Variants in GIGYF2 observed in about 807,000 individuals in gnomAD.
GIGYF2 encodes the protein GRB10-interacting GYF protein 2.
In GIGYF2, 25 loss-of-function variants were observed where a neutral mutation model predicts 208.1. That is an observed-to-expected ratio of 0.12 (90% CI 0.09 to 0.17). The LOEUF (loss-of-function observed/expected upper bound fraction) is 0.17. Among genes scored for constraint, GIGYF2 ranks in the 10% least tolerant of loss-of-function variants. GIGYF2 has a pLI of 1.00. For missense variants in GIGYF2, 1,302 were observed against 1,579.4 expected (o/e 0.82, Z 2.98); for synonymous variants, 534 against 543.8 (o/e 0.98, Z 0.25).
chr2:232,733,255 C>T (rs13429857), intron 2 of GIGYF2, among the ~76,000 whole-genome samples: 23,854 of 131,172 alleles, frequency 0.18, 2,438 homozygotes, highest in Middle Eastern at 0.23. Flanking sequence ...AGACTCTTGT[C>T]TCAAAAAAAA....
intron 2 of GIGYF2, among the ~76,000 whole-genome samples, chr2:232,733,812 G>A (rs1019167113): frequency 3.3e-5 from 5 of 152,108 alleles, no homozygotes; most frequent in African/African-American, 1.2e-4. Context: ...GTAAATAGTT[G>A]TTCTGCTGTA....
At chr2:232,723,462 G>A (rs35285732) in intron 2 of GIGYF2, among the ~76,000 whole-genome samples, 45,298 of 138,758 alleles carry the variant, frequency 0.33, 7,449 homozygotes, top group South Asian at 0.62. Flanking sequence ...ACAGAGTCTC[G>A]CTCTGTCACC....
rs144275129 is a variant in GIGYF2 at position 232,698,522 on chromosome 2, A to G, written c.-110+1130A>G. 3.5e-4 allele frequency among the ~76,000 whole-genome samples: 53 copies of G among 152,212 alleles called. No individual in the cohort carries two copies. In the East Asian group the frequency reaches 5.2e-3, roughly 15 times the overall value. On this transcript the variant is annotated intron_variant, in intron 1 of 28. Coordinates refer to ENST00000373563, the MANE Select transcript of GIGYF2 (RefSeq NM_001103146.3). Reference sequence around the variant, plus strand: ...ATTCTGTCATTCTTTCTGTACATTAATTTTGCTCCTTCTAATATTTGTAGC... The same window carrying G: ...ATTCTGTCATTCTTTCTGTACATTAGTTTTGCTCCTTCTAATATTTGTAGC...
intron 28 of GIGYF2, among the ~76,000 whole-genome samples, chr2:232,851,936 T>C (rs1399127237): frequency 2.6e-5 from 4 of 152,056 alleles, no homozygotes; most frequent in Admixed American, 2.6e-4. Context: ...ATTTCAGAAA[T>C]GTAGGGGATA....
chr2:232,847,516 CACAGCA>C lies in GIGYF2; in HGVS notation c.3630_3635del (p.Gln1215_Gln1216del), dbSNP rs58340018. 1.2e-4 allele frequency: 187 copies of C among 1,524,972 alleles called. 2 individuals are homozygous for C. The East Asian group carries it at 3.6e-3, about 29-fold the overall frequency. The allele number at this position is 1,524,972 out of a possible 1,614,324, so 94.5% of individuals were successfully genotyped here. The stretch of plus-strand genomic sequence containing the variant: ...CAGCAGCGTCAGCAGCAGCAGCTGC[CACAGCA>C]GCAGCAGCAGCAGCCGCCACAGCAG... On this transcript the variant is annotated inframe_deletion, in exon 27 of 29. Transcript: ENST00000373563.
chr2:232,723,809 C>T (rs369315499), intron 2 of GIGYF2, among the ~76,000 whole-genome samples: 6 of 147,400 alleles, frequency 4.1e-5, no homozygotes, highest in South Asian at 2.2e-4. Flanking sequence ...CTCGGCTCAC[C>T]GCAACCTCCG....
intron 21 of GIGYF2, among the ~76,000 whole-genome samples, chr2:232,828,057 C>T (rs1378714223): frequency 6.6e-6 from 1 of 152,046 alleles, no homozygotes; most frequent in African/African-American, 2.4e-5. Context: ...GGTATAGTCA[C>T]AGCTCATTGC....
intron 21 of GIGYF2, among the ~76,000 whole-genome samples, chr2:232,823,175 G>A (rs143216554): frequency 9.2e-5 from 14 of 152,024 alleles, no homozygotes; most frequent in Non-Finnish European, 1.9e-4. Flanking sequence ...AATAACTGAG[G>A]TTTGAAGGTT....
At chr2:232,790,959 A>G in intron 10 of GIGYF2, 44 bp downstream of exon 10, 1 of 1,612,898 alleles carries the variant, frequency 6.2e-7, no homozygotes, top group Non-Finnish European at 8.5e-7. Flanking sequence ...TTAACCTTAT[A>G]CCAAAGCCAA....
At chr2:232,810,989 T>C (rs963496564) in intron 16 of GIGYF2, 6 of 438,708 alleles carry the variant, frequency 1.4e-5, no homozygotes, top group Non-Finnish European at 2.5e-5. Flanking sequence ...TAGACCACTT[T>C]GCACTGAATT....
Position 232,710,741 on chromosome 2 carries a change from C to T in GIGYF2, c.-44+7252C>T, listed in dbSNP as rs143376040. Among the ~76,000 whole-genome samples, 834 of 143,200 alleles carry T rather than the reference C, an allele frequency of 5.8e-3. 4 individuals carry two copies. The highest frequency in any genetic ancestry group is 0.021 in the African/African-American group (793 of 38,168). 93.9% of individuals were successfully genotyped at this position (143,200 alleles called of 152,430 possible). A position where few individuals can be genotyped will look rare whatever the true frequency, so the allele number is the denominator to read the frequency against. On this transcript the variant is annotated intron_variant, in intron 2 of 28. Transcript: ENST00000373563. The stretch of plus-strand genomic sequence containing the variant: ...GAGATGGAATTTCGCTCTTGTTTCC[C>T]TGGCTGGAGTGCAGTGGTGCGATTC...
Position 232,704,187 on chromosome 2 carries a change from CAG to C in GIGYF2, c.-44+702_-44+703del, listed in dbSNP as rs1226836047. The stretch of plus-strand genomic sequence containing the variant: ...CACTCCTAATGGTGGGGGCAGGTCT[CAG>C]AGAAGGTAGAATGGTGACTATTCTA... On this transcript the variant is annotated intron_variant, in intron 2 of 28. Transcript: ENST00000373563. 4.6e-5 allele frequency among the ~76,000 whole-genome samples: 7 copies of C among 152,246 alleles called. No individual in the cohort carries two copies. In the East Asian group the frequency reaches 1.4e-3, roughly 29 times the overall value.
At position 232,816,783 on chromosome 2, in the gene GIGYF2, T is replaced by C. The variant is rs142499062; in HGVS notation, c.2209-88T>C. On this transcript the variant is annotated intron_variant, in intron 19 of 28. Coordinates refer to ENST00000373563, the MANE Select transcript of GIGYF2 (RefSeq NM_001103146.3). ...AGTGCAGTACGGTACAAGCAGCTGA[T>C]TGAATGAACGAATACTACTGGTCAG... The C allele has an allele frequency of 1.6e-3, 1,560 of 975,730 alleles. 4 individuals carry two copies. The highest frequency in any genetic ancestry group is 2.4e-3 in the Non-Finnish European group (1,454 of 601,132). The allele number at this position is 975,730 out of a possible 1,614,324, so 60.4% of individuals were successfully genotyped here.
chr2:232,848,274 TC>T (rs772968768), intron 27 of GIGYF2, among the ~76,000 whole-genome samples: 6 of 152,158 alleles, frequency 3.9e-5, no homozygotes, highest in Non-Finnish European at 7.3e-5. Context: ...CGTATTTTCT[TC>T]CTAAGGCACC....
chr2:232,729,682 G>T, intron 2 of GIGYF2: 1 of 837,980 alleles, frequency 1.2e-6, no homozygotes, highest in Non-Finnish European at 2.0e-6. Context: ...GTTTAGATGA[G>T]CCCCAGACTA....
At chr2:232,723,022 G>A (rs1381107030) in intron 2 of GIGYF2, among the ~76,000 whole-genome samples, 3 of 152,010 alleles carry the variant, frequency 2.0e-5, no homozygotes, top group Non-Finnish European at 4.4e-5. Flanking sequence ...GGATCTTGCT[G>A]TGTTTCCCAG....
rs2106390196 is a variant in GIGYF2, at chr2:232,815,579, T to TA, written c.2108-57dup. Reference sequence around the variant, plus strand: ...CAGCTTTTTTCATGATTCCTACGGATATGTCACCATGTGTGTAAGCTCTGT... The same window carrying TA: ...CAGCTTTTTTCATGATTCCTACGGATAATGTCACCATGTGTGTAAGCTCTGT... On this transcript the variant is annotated intron_variant, in intron 18 of 28. Coordinates refer to ENST00000373563, the MANE Select transcript of GIGYF2 (RefSeq NM_001103146.3). 4.3e-6 allele frequency: 4 copies of TA among 921,212 alleles called. No individual in the cohort carries two copies. The South Asian group carries it at 5.3e-5, about 12-fold the overall frequency. 57.1% of individuals were successfully genotyped at this position (921,212 alleles called of 1,614,324 possible).
chr2:232,849,948 A>G (rs1440818695), intron 27 of GIGYF2, among the ~76,000 whole-genome samples: 1 of 152,116 alleles, frequency 6.6e-6, no homozygotes, highest in African/African-American at 2.4e-5. Flanking sequence ...TGCAGTATTC[A>G]TTTCCTAGCA....
chr2:232,784,656 T>C (rs1473603047), intron 8 of GIGYF2, among the ~76,000 whole-genome samples: 3 of 151,992 alleles, frequency 2.0e-5, no homozygotes, highest in Admixed American at 6.6e-5. Flanking sequence ...GGATTACAGG[T>C]GTGAGCCACC....
Sources: gnomAD v4.1 joint callset for allele counts (sites outside exome capture counted in the v4.1 genomes callset) on GRCh38, gnomAD v4.1.1 for gene constraint, MANE v1.5 for transcripts, NCBI Gene and HGNC (gene_info 2026-07-23, HGNC 2026-07-21) for gene names.